The following LPO variants were observed in gnomAD, a reference collection of about 807,000 sequenced individuals.
LPO encodes the protein lactoperoxidase, also known as salivary peroxidase.
In LPO, 70 loss-of-function variants were observed where a neutral mutation model predicts 68.4. The observed-to-expected ratio is 1.02, with a 90% CI of 0.84 to 1.25. LPO has a LOEUF of 1.25. Ranked by LOEUF, LPO falls within the 50% of genes most tolerant of loss-of-function variation. The pLI is 0.00. For missense variants in LPO, 873 were observed against 908.4 expected (o/e 0.96, Z 0.50); for synonymous variants, 360 against 357.6 (o/e 1.01, Z -0.08).
At chr17:58,265,075 A>G in intron 10 of LPO, 101 bp downstream of exon 10, 1 of 1,469,158 alleles carries the variant, frequency 6.8e-7, no homozygotes, top group East Asian at 2.3e-5. Flanking sequence ...CTTTTACATG[A>G]CCTTGGGCAA....
intron 9 of LPO, among the ~76,000 whole-genome samples, chr17:58,255,878 T>C (rs1179308143): frequency 6.6e-6 from 1 of 152,226 alleles, no homozygotes; most frequent in Non-Finnish European, 1.5e-5. Context: ...ATCAACTGTG[T>C]GTGTGTATGT....
In LPO at chr17:58,243,015, T is replaced by A; in HGVS notation, c.36T>A (p.Ala12=). 1 of 1,614,142 alleles carries A rather than the reference T, an allele frequency of 6.2e-7. No individual in the cohort carries two copies. The highest frequency in any genetic ancestry group is 1.1e-5 in the South Asian group (1 of 91,086). Residue 12 remains alanine (A), a synonymous_variant, in exon 2 of 13, where the codon GCT becomes GCA. Transcript: ENST00000262290. ...RVLLHLPALL[A]SLILLQAAAS... is the part of the protein sequence containing the mutation. ...TTCTCCATCTCCCAGCCCTCCTGGC[T>A]TCCCTCATCTTGCTTCAGGCTGCAG...
intron 11 of LPO, among the ~76,000 whole-genome samples, chr17:58,267,116 CAT>C (rs1275920229): frequency 2.6e-5 from 4 of 152,236 alleles, no homozygotes; most frequent in Non-Finnish European, 5.9e-5. Context: ...TGCCTGGACT[CAT>C]AGTACATACC....
chr17:58,242,891 C>T (rs747130791), intron 1 of LPO, 87 bp from the exon 2 acceptor site: 2 of 1,086,958 alleles, frequency 1.8e-6, no homozygotes, highest in Non-Finnish European at 2.8e-6. Flanking sequence ...GTCTGGTGCT[C>T]CTTTGGCTTT....
intron 7 of LPO, chr17:58,251,841 CTGT>C (rs757612193): frequency 5.2e-6 from 3 of 573,010 alleles, no homozygotes; most frequent in East Asian, 4.5e-5. Flanking sequence ...TACATGGCAG[CTGT>C]TGTTAGTAGT....
intron 3 of LPO, among the ~76,000 whole-genome samples, chr17:58,247,025 C>A (rs1969863171): frequency 1.3e-5 from 2 of 152,192 alleles, no homozygotes; most frequent in South Asian, 2.1e-4. Flanking sequence ...AAAGTCCATA[C>A]AGAAGTCTCT....
chr17:58,259,836 G>A (rs1012475718), intron 9 of LPO, among the ~76,000 whole-genome samples: 1 of 152,018 alleles, frequency 6.6e-6, no homozygotes, highest in African/African-American at 2.4e-5. Context: ...GTTTTGTTTT[G>A]TTTTGAGACG....
At chr17:58,255,837 G>A (rs1024558246) in intron 9 of LPO, among the ~76,000 whole-genome samples, 1 of 152,136 alleles carries the variant, frequency 6.6e-6, no homozygotes, top group Non-Finnish European at 1.5e-5. Flanking sequence ...AAACCATAGA[G>A]CTTACTCAGA....
rs1312023104 is a variant in LPO, at chr17:58,264,885, G to A, written c.1430G>A (p.Arg477His). 13 of 1,614,012 alleles carry A rather than the reference G, an allele frequency of 8.1e-6. No homozygotes were observed. The highest frequency in any genetic ancestry group is 2.2e-5 in the East Asian group (1 of 44,898). ...GHLEVPSSMF[R>H]LDENYQPWGP... ...TTGGAGGTCCCCTCTAGTATGTTCC[G>A]CCTGGATGAGAATTATCAGCCATGG... The change falls in exon 10 of 13, where the codon CGC becomes CAC. Residue 477 changes from arginine (R) to histidine (H), a missense_variant. By Grantham distance (29) the Arg-to-His change is conservative. Transcript: ENST00000262290.
intron 1 of LPO, among the ~76,000 whole-genome samples, chr17:58,239,883 T>C (rs1429819061): frequency 6.6e-6 from 1 of 152,188 alleles, no homozygotes; most frequent in Admixed American, 6.5e-5. Flanking sequence ...GGACTATCTC[T>C]GCCCTCTCCC....
In LPO at chr17:58,254,961, C is replaced by A. The variant is rs1424517623; in HGVS notation, c.1256C>A (p.Ala419Asp). ...CAGGAAGCCCGGAAAATCCTGGGAG[C>A]CTTCGTGCAGGTAGGGAGTCCCAGG... Reference protein sequence around the residue: ...LYQEARKILGAFVQIITFRDY... With the variant: ...LYQEARKILGDFVQIITFRDY... The change falls in exon 9 of 13, where the codon GCC becomes GAC. Residue 419 changes from alanine (A) to aspartate (D), a missense_variant. Coordinates refer to ENST00000262290, the MANE Select transcript of LPO (RefSeq NM_006151.3). 1.2e-6 allele frequency: 2 copies of A among 1,613,918 alleles called. No individual in the cohort carries two copies. Among genetic ancestry groups the A allele is most frequent in the Admixed American group, 3.3e-5 (2 of 60,008 alleles).
chr17:58,241,119 T>TTTTTTC, intron 1 of LPO, among the ~76,000 whole-genome samples: 1 of 143,900 alleles, frequency 6.9e-6, no homozygotes, highest in Admixed American at 6.8e-5. Context: ...TTTTCTTTTC[T>TTTTTTC]TTTTTCTTTT....
At chr17:58,263,013 T>A (rs1285966481) in intron 9 of LPO, among the ~76,000 whole-genome samples, 2 of 152,224 alleles carry the variant, frequency 1.3e-5, no homozygotes, top group Non-Finnish European at 2.9e-5. Flanking sequence ...CTCTGGTTTG[T>A]TTGAGCAATT....
intron 3 of LPO, 99 bp downstream of exon 3, chr17:58,244,180 C>T (rs987355881): frequency 1.1e-5 from 10 of 927,914 alleles, no homozygotes; most frequent in East Asian, 5.1e-5. Context: ...TAGGCCAGCC[C>T]GGATGAGCCA....
chr17:58,249,592 A>G lies in LPO; in HGVS notation c.470A>G (p.Asn157Ser). The change falls in exon 6 of 13, where the codon AAC becomes AGC. Residue 157 changes from asparagine to serine, a missense_variant. Coordinates refer to ENST00000262290, the MANE Select transcript of LPO (RefSeq NM_006151.3). ...AGGAAGCCTGCGCTGGGCGCCGCCA[A>G]CAGGGCTCTGGCGCGCTGGCTGCCC... is the stretch of plus-strand genomic sequence containing the variant. Reference protein sequence around the residue: ...NRRKPALGAANRALARWLPAE... With the variant: ...NRRKPALGAASRALARWLPAE... 2.5e-6 allele frequency: 4 copies of G among 1,604,084 alleles called. No homozygotes were observed. The highest frequency in any genetic ancestry group is 4.5e-5 in the East Asian group (2 of 44,738).
intron 9 of LPO, among the ~76,000 whole-genome samples, chr17:58,255,713 T>C (rs1970057985): frequency 6.6e-6 from 1 of 152,192 alleles, no homozygotes; most frequent in Non-Finnish European, 1.5e-5. Flanking sequence ...TTTAAAAATG[T>C]ACAAGGAGGT....
chr17:58,243,929 G>A, intron 2 of LPO, 65 bp from the exon 3 acceptor site: 2 of 1,065,850 alleles, frequency 1.9e-6, no homozygotes, highest in African/African-American at 1.6e-5. Flanking sequence ...GGAGACAAAA[G>A]CAGAAGACAT....
chr17:58,254,964 TC>T lies in LPO; in HGVS notation c.1260del (p.Phe420LeufsTer15). On this transcript the variant is annotated frameshift_variant, in exon 9 of 13. Transcript: ENST00000262290. LOFTEE classifies it high-confidence loss of function. ...YQEARKILGA[F>X]VQIITFRDYL... ...GAAGCCCGGAAAATCCTGGGAGCCT[TC>T]GTGCAGGTAGGGAGTCCCAGGAGCA... 1.2e-6 allele frequency: 2 copies of T among 1,613,926 alleles called. No individual in the cohort carries two copies. The highest frequency in any genetic ancestry group is 4.5e-5 in the East Asian group (2 of 44,874).
chr17:58,238,992 T>G (rs1202659648), intron 1 of LPO, among the ~76,000 whole-genome samples: 1 of 152,104 alleles, frequency 6.6e-6, no homozygotes, highest in Non-Finnish European at 1.5e-5. Context: ...TCATAAACTC[T>G]TAGGGCTGGA....
Sources: gnomAD v4.1 joint callset for allele counts (sites outside exome capture counted in the v4.1 genomes callset) on GRCh38, gnomAD v4.1.1 for gene constraint, MANE v1.5 for transcripts, NCBI Gene and HGNC (gene_info 2026-07-23, HGNC 2026-07-21) for gene names.